The following PRDM5 variants were observed in gnomAD, a reference collection of about 807,000 sequenced individuals.
PRDM5 encodes PR/SET domain 5, also known as PR domain zinc finger protein 5.
In PRDM5, 56 loss-of-function variants were observed where a neutral mutation model predicts 81.2. The ratio of observed to expected loss-of-function variants is 0.69; its 90% CI spans 0.56 to 0.86. The LOEUF (loss-of-function observed/expected upper bound fraction) is 0.86. Among genes scored for constraint, PRDM5 ranks in the 40% least tolerant of loss-of-function variants. The probability of loss-of-function intolerance (pLI) is 0.00; values close to 1 mark genes in which losing one functional copy is unlikely to be tolerated. For synonymous variants in PRDM5, 267 were observed against 256.4 expected, an observed-to-expected ratio of 1.04 and a Z score of -0.39; for missense variants, 697 against 770.1, an observed-to-expected ratio of 0.91 and a Z score of 1.12.
intron 3 of PRDM5, among the ~76,000 whole-genome samples, chr4:120,847,188 C>T (rs1237931875): frequency 1.3e-5 from 2 of 152,096 alleles, no homozygotes; most frequent in African/African-American, 4.8e-5. Context: ...GGTATCCAGA[C>T]CATCATGTAG....
intron 14 of PRDM5, among the ~76,000 whole-genome samples, chr4:120,723,923 A>ATTTTTTTTTTTTTTTTTTTTTTTTTTT (rs70948360): frequency 1.2e-5 from 1 of 81,278 alleles, no homozygotes; most frequent in African/African-American, 5.2e-5. Context: ...GATAGCTTGA[A>ATTTTTTTTTTTTTTTTTTTTTTTTTTT]TTTTTTTTTT....
chr4:120,845,750 T>C (rs1165267955), intron 3 of PRDM5, among the ~76,000 whole-genome samples: 4 of 152,228 alleles, frequency 2.6e-5, no homozygotes, highest in Non-Finnish European at 5.9e-5. Flanking sequence ...CATAAGGCTA[T>C]TGCTGTCACA....
chr4:120,734,255 G>C, intron 14 of PRDM5, among the ~76,000 whole-genome samples: 1 of 144,224 alleles, frequency 6.9e-6, no homozygotes, highest in African/African-American at 2.5e-5. Flanking sequence ...TTGTTTGTTT[G>C]TTTTTTTTTT....
chr4:120,727,646 C>T (rs1204352328), intron 14 of PRDM5, among the ~76,000 whole-genome samples: 1 of 152,100 alleles, frequency 6.6e-6, no homozygotes. Context: ...TTGAAAGTAC[C>T]AGTGAAGGGC....
chr4:120,834,122 T>C (rs188512822), intron 3 of PRDM5, among the ~76,000 whole-genome samples: 1 of 152,158 alleles, frequency 6.6e-6, no homozygotes, highest in Non-Finnish European at 1.5e-5. Flanking sequence ...AAATCAGGCA[T>C]AGATTAAACA....
At chr4:120,823,671 G>C (rs1029314205) in intron 3 of PRDM5, among the ~76,000 whole-genome samples, 1 of 152,132 alleles carries the variant, frequency 6.6e-6, no homozygotes. Context: ...ACAAACCTCA[G>C]ATTGACAAGG....
At chr4:120,878,247 A>G (rs1762516140) in intron 2 of PRDM5, among the ~76,000 whole-genome samples, 1 of 152,188 alleles carries the variant, frequency 6.6e-6, no homozygotes, top group African/African-American at 2.4e-5. Flanking sequence ...CTCTGTAGAA[A>G]TATTCATCAA....
chr4:120,707,334 T>C lies in PRDM5; in HGVS notation c.1728+2975A>G, dbSNP rs574169219. On this transcript the variant is annotated intron_variant, in intron 15 of 15. Transcript: ENST00000264808. Reference sequence around the variant, plus strand: ...ACAGAACAAAGGGAAAAAAAAAACATAGTCATCTCAATTGATGCAGAAAAG... The same window carrying C: ...ACAGAACAAAGGGAAAAAAAAAACACAGTCATCTCAATTGATGCAGAAAAG... Among the ~76,000 whole-genome samples, 281 of 149,806 alleles carry C rather than the reference T, an allele frequency of 1.9e-3. 1 individual carries two copies. Among genetic ancestry groups the C allele is most frequent in the Middle Eastern group, 7.0e-3 (2 of 286 alleles).
At chr4:120,760,315 T>C (rs745386590) in intron 13 of PRDM5, among the ~76,000 whole-genome samples, 8 of 152,206 alleles carry the variant, frequency 5.3e-5, no homozygotes, top group Non-Finnish European at 1.0e-4. Context: ...ATGTGTGTTA[T>C]GTCTTAAAGC....
intron 10 of PRDM5, among the ~76,000 whole-genome samples, chr4:120,797,030 A>G (rs1751437194): frequency 6.6e-6 from 1 of 152,214 alleles, no homozygotes; most frequent in Non-Finnish European, 1.5e-5. Flanking sequence ...CAATTCAAGC[A>G]TGATGTATTA....
intron 13 of PRDM5, among the ~76,000 whole-genome samples, chr4:120,770,738 T>C (rs1747150914): frequency 1.3e-5 from 2 of 152,170 alleles, no homozygotes; most frequent in Non-Finnish European, 2.9e-5. Flanking sequence ...TCCTGGTCCA[T>C]TTGAGAATAA....
In PRDM5 at chr4:120,694,087, T is replaced by G. The variant is rs912353196; in HGVS notation, c.*1024A>C. On this transcript the variant is annotated 3_prime_UTR_variant, in exon 16 of 16. Transcript: ENST00000264808. ...TCAAAAGTGTTTCAGAATTACCTAC[T>G]GCCAAGATTCTGGAAAATGTCTTTT... is the stretch of plus-strand genomic sequence containing the variant. 1 of 152,136 alleles carries G rather than the reference T, an allele frequency of 6.6e-6. No homozygotes were observed. The highest frequency in any genetic ancestry group is 6.6e-5 in the Admixed American group (1 of 15,242). The allele number at this position is 152,136 out of a possible 1,614,324, so 9.4% of individuals were successfully genotyped here. A position where few individuals can be genotyped will look rare whatever the true frequency, so the allele number is the denominator to read the frequency against.
chr4:120,778,114 G>A (rs1420404661), intron 12 of PRDM5, among the ~76,000 whole-genome samples: 2 of 151,956 alleles, frequency 1.3e-5, no homozygotes, highest in African/African-American at 4.8e-5. Flanking sequence ...GAAAAGGGGA[G>A]GTGAAAGCAA....
At chr4:120,862,551 C>T (rs949639412) in intron 2 of PRDM5, among the ~76,000 whole-genome samples, 3 of 152,162 alleles carry the variant, frequency 2.0e-5, no homozygotes, top group Non-Finnish European at 4.4e-5. Context: ...CTAGAATAAA[C>T]CTAGCAGGCC....
At chr4:120,768,075 A>C (rs1746650662) in intron 13 of PRDM5, among the ~76,000 whole-genome samples, 1 of 152,190 alleles carries the variant, frequency 6.6e-6, no homozygotes, top group Non-Finnish European at 1.5e-5. Flanking sequence ...GAACAGACTA[A>C]AACAATGTGA....
intron 14 of PRDM5, among the ~76,000 whole-genome samples, chr4:120,720,102 G>A (rs1182352696): frequency 1.3e-5 from 2 of 152,094 alleles, no homozygotes; most frequent in African/African-American, 4.8e-5. Flanking sequence ...CCCCAGCATA[G>A]CCAAGCTGTT....
rs887473322 is a variant in PRDM5 at position 120,791,091 on chromosome 4, A to T, written c.1189-6000T>A. On this transcript the variant is annotated intron_variant, in intron 10 of 15. Coordinates refer to ENST00000264808, the MANE Select transcript of PRDM5 (RefSeq NM_018699.4). Reference sequence around the variant, plus strand: ...TGAAGAGTAAAATGGCATTTTATACACTGTTAAGAGAAAGTAGAGCTTTTC... The same window carrying T: ...TGAAGAGTAAAATGGCATTTTATACTCTGTTAAGAGAAAGTAGAGCTTTTC... Among the ~76,000 whole-genome samples, 7 of 152,320 alleles carry T rather than the reference A, an allele frequency of 4.6e-5. No individual in the cohort carries two copies. The Middle Eastern group carries it at 0.01, about 222-fold the overall frequency.
chr4:120,708,192 GC>G (rs1219652017), intron 15 of PRDM5, among the ~76,000 whole-genome samples: 1 of 152,086 alleles, frequency 6.6e-6, no homozygotes, highest in Non-Finnish European at 1.5e-5. Flanking sequence ...ATACTTGTAT[GC>G]CCATGTTCAC....
intron 1 of PRDM5, among the ~76,000 whole-genome samples, chr4:120,908,594 C>T (rs940404111): frequency 6.6e-6 from 1 of 152,170 alleles, no homozygotes; most frequent in Non-Finnish European, 1.5e-5. Context: ...GTTAACCCAG[C>T]CCCCTCATTT....
Sources: gnomAD v4.1 joint callset for allele counts (sites outside exome capture counted in the v4.1 genomes callset) on GRCh38, gnomAD v4.1.1 for gene constraint, MANE v1.5 for transcripts, NCBI Gene and HGNC (gene_info 2026-07-23, HGNC 2026-07-21) for gene names.